Variants in PLCXD1 observed in about 807,000 individuals in gnomAD.
PLCXD1 encodes PI-PLC X domain-containing protein 1.
In PLCXD1, 45 loss-of-function variants were observed where a neutral mutation model predicts 37.8. The observed-to-expected ratio is 1.19, with a 90% CI of 0.94 to 1.53. The LOEUF (loss-of-function observed/expected upper bound fraction) is 1.53, where lower values mean the gene tolerates loss of function less well. Among genes scored for constraint, PLCXD1 ranks in the 40% most tolerant of loss-of-function variants. PLCXD1 has a pLI of 0.00. For missense variants in PLCXD1, 539 were observed against 454.7 expected (o/e 1.19, Z -1.69); for synonymous variants, 246 against 206.9 (o/e 1.19, Z -1.62).
At chrX:285,303 CAT>C (rs1237817655) in intron 2 of PLCXD1, among the ~76,000 whole-genome samples, 1 of 152,130 alleles carries the variant, frequency 6.6e-6, no homozygotes, top group Non-Finnish European at 1.5e-5. Flanking sequence ...TGCACATACA[CAT>C]GCATGCACAT....
At chrX:291,151 CT>C (rs1282122870) in intron 4 of PLCXD1, among the ~76,000 whole-genome samples, 96 of 143,308 alleles carry the variant, frequency 6.7e-4, no homozygotes, top group Admixed American at 7.7e-4. Flanking sequence ...TTTTTTTTTG[CT>C]TTTTTTTTTT....
chrX:286,069 A>ATT (rs113597268), intron 2 of PLCXD1, among the ~76,000 whole-genome samples: 2 of 147,134 alleles, frequency 1.4e-5, no homozygotes, highest in African/African-American at 2.5e-5. Flanking sequence ...CCTGAGGTTA[A>ATT]TTTTTTTTTT....
intron 6 of PLCXD1, among the ~76,000 whole-genome samples, chrX:294,685 T>A (rs2069748841): frequency 6.6e-6 from 1 of 151,840 alleles, no homozygotes; most frequent in Non-Finnish European, 1.5e-5. Context: ...GCGCCTATAA[T>A]CCCAGCTACT....
intron 2 of PLCXD1, among the ~76,000 whole-genome samples, chrX:284,547 G>A (rs2069382800): frequency 6.6e-6 from 1 of 151,864 alleles, no homozygotes; most frequent in Non-Finnish European, 1.5e-5. Context: ...CATACACACA[G>A]GCATGCACAC....
chrX:299,477 G>T lies in PLCXD1; in HGVS notation c.*142G>T, dbSNP rs2069931993. ...TCATTTTCTTTAAAATAGAGATGGG[G>T]TGGCTGGGCGTGGTGACTTCGCCTG... On this transcript the variant is annotated 3_prime_UTR_variant, in exon 7 of 7. Coordinates refer to ENST00000381657, the MANE Select transcript of PLCXD1 (RefSeq NM_018390.4). 1.4e-6 allele frequency: 1 copy of T among 699,072 alleles called. No individual in the cohort carries two copies. The highest frequency in any genetic ancestry group is 2.3e-5 in the Admixed American group (1 of 43,128). The allele number at this position is 699,072 out of a possible 1,614,324, so 43.3% of individuals were successfully genotyped here. A position where few individuals can be genotyped will look rare whatever the true frequency, so the allele number is the denominator to read the frequency against.
chrX:278,252 G>A (rs1461250184), upstream of PLCXD1, among the ~76,000 whole-genome samples: 1 of 151,958 alleles, frequency 6.6e-6, no homozygotes, highest in Non-Finnish European at 1.5e-5. Context: ...TGACGGGAGG[G>A]GAGGGACTGT....
At chrX:276,828 CCT>C (rs2069166426), upstream of PLCXD1, among the ~76,000 whole-genome samples, 1 of 152,234 alleles carries the variant, frequency 6.6e-6, no homozygotes, top group African/African-American at 2.4e-5. Flanking sequence ...TCTGAGCACC[CCT>C]GTCCTTCCGT....
Position 293,031 on chromosome X carries a change from G to A in PLCXD1, c.550-4G>A. The stretch of plus-strand genomic sequence containing the variant: ...CTGCACCCCTTAACTCTGGTCCTTT[G>A]CAGGAGGTGCCGACACTGCGGCAGC... On this transcript the variant is annotated splice_polypyrimidine_tract_variant and splice_region_variant and intron_variant, in intron 5 of 6. Transcript: ENST00000381657. The A allele has an allele frequency of 6.2e-7, 1 of 1,602,354 alleles. No homozygotes were observed. Among genetic ancestry groups the A allele is most frequent in the Non-Finnish European group, 8.5e-7 (1 of 1,173,196 alleles).
Position 299,305 on chromosome X carries a change from C to G in PLCXD1, c.942C>G (p.Ile314Met). 1.2e-6 allele frequency: 2 copies of G among 1,613,686 alleles called. No homozygotes were observed. Among genetic ancestry groups the G allele is most frequent in the Non-Finnish European group, 1.7e-6 (2 of 1,179,636 alleles). The change falls in exon 7 of 7, where the codon ATC becomes ATG. Residue 314 changes from isoleucine to methionine, a missense_variant. Physicochemically the swap from Ile to Met is conservative, Grantham distance 10 (BLOSUM62 1). Transcript: ENST00000381657. ...IGADGFVSDV[I>M]ALNQKLLWC ...CAGACGGCTTCGTCAGTGACGTCAT[C>G]GCGCTCAATCAGAAGCTGCTGTGGT...
intron 6 of PLCXD1, among the ~76,000 whole-genome samples, chrX:294,770 C>A (rs1205495452): frequency 6.6e-6 from 1 of 152,054 alleles, no homozygotes; most frequent in Non-Finnish European, 1.5e-5. Flanking sequence ...AGCCAGTGTA[C>A]TCCAGCCTGG....
chrX:282,981 A>T (rs1355546685), intron 1 of PLCXD1, among the ~76,000 whole-genome samples: 1 of 146,102 alleles, frequency 6.8e-6, no homozygotes, highest in African/African-American at 2.5e-5. Flanking sequence ...TTATATGTAT[A>T]ATATATATTA....
chrX:295,773 C>A (rs866092162), intron 6 of PLCXD1, among the ~76,000 whole-genome samples: 1 of 151,812 alleles, frequency 6.6e-6, no homozygotes, highest in Non-Finnish European at 1.5e-5. Context: ...ATGATCTGCC[C>A]GTCTCAGTCT....
rs1285425990 is a variant in PLCXD1, at chrX:292,416, G to A, written c.550-619G>A. Among the ~76,000 whole-genome samples, 9 of 151,932 alleles carry A rather than the reference G, an allele frequency of 5.9e-5. No homozygotes were observed. The East Asian group carries it at 9.7e-4, about 16-fold the overall frequency. ...GGAGGTTGCAGTGAGCCGAGATCGCGCCACTGCATTCCAGCCTGGGAGACA... is the reference window on the plus strand; with the variant it reads ...GGAGGTTGCAGTGAGCCGAGATCGCACCACTGCATTCCAGCCTGGGAGACA... On this transcript the variant is annotated intron_variant, in intron 5 of 6. Transcript: ENST00000381657.
rs764922414 is a variant in PLCXD1 at position 291,534 on chromosome X, G to T, written c.429G>T (p.Arg143=). 21 of 1,612,692 alleles carry T rather than the reference G, an allele frequency of 1.3e-5. No individual in the cohort carries two copies. Among genetic ancestry groups the T allele is most frequent in the Non-Finnish European group, 1.8e-5 (21 of 1,179,844 alleles). ...TLTEISEWLE[R]HPREVVILAC... ...CGGAAATCTCGGAGTGGCTGGAGCG[G>T]CATCCACGCGAGGTGGTCATCCTGG... The change falls in exon 5 of 7, where the codon CGG becomes CGT. Residue 143 remains arginine, a synonymous_variant. Transcript: ENST00000381657.
At chrX:278,933 C>T (rs543641187), upstream of PLCXD1, among the ~76,000 whole-genome samples, 23 of 152,192 alleles carry the variant, frequency 1.5e-4, 1 homozygote, top group African/African-American at 5.5e-4. Flanking sequence ...TGCGAAGAGA[C>T]CCCCGAACAG....
rs938984785 is a variant in PLCXD1 at position 299,694 on chromosome X, T to G, written c.*359T>G. On this transcript the variant is annotated 3_prime_UTR_variant, in exon 7 of 7. Coordinates refer to ENST00000381657, the MANE Select transcript of PLCXD1 (RefSeq NM_018390.4). The stretch of plus-strand genomic sequence containing the variant: ...ACTGCTTGAAGCCGGGAGATGGAGG[T>G]TGCATTGAGCTGACATCGTGCCACT... 1.6e-5 allele frequency: 6 copies of G among 375,476 alleles called. No homozygotes were observed. The highest frequency in any genetic ancestry group is 2.5e-5 in the Non-Finnish European group (5 of 203,338). The allele number at this position is 375,476 out of a possible 1,614,324, so 23.3% of individuals were successfully genotyped here.
chrX:286,598 A>G (rs1019089851), intron 2 of PLCXD1, among the ~76,000 whole-genome samples: 2 of 152,174 alleles, frequency 1.3e-5, no homozygotes, highest in African/African-American at 4.8e-5. Context: ...TGAGGGGTCC[A>G]CGTGAAGGGG....
chrX:289,251 C>CTAAT, intron 3 of PLCXD1, among the ~76,000 whole-genome samples: 1 of 152,132 alleles, frequency 6.6e-6, no homozygotes. Flanking sequence ...CCACACCTGG[C>CTAAT]TAATTTTTTG....
rs777361271 is a variant in PLCXD1, at chrX:299,111, G to A, written c.748G>A (p.Ala250Thr). ...CACCGTTGCAGGAGGGTTGTTCGTG[G>A]CCGGCATCAACCTCACGGAGAACCT... ...SCGRPGGLFV[A>T]GINLTENLQY... Residue 250 changes from alanine (A) to threonine (T), a missense_variant, in exon 7 of 7, where the codon GCC becomes ACC. Coordinates refer to ENST00000381657, the MANE Select transcript of PLCXD1 (RefSeq NM_018390.4). 3.1e-6 allele frequency: 5 copies of A among 1,613,702 alleles called. No individual in the cohort carries two copies. Among genetic ancestry groups the A allele is most frequent in the South Asian group, 2.2e-5 (2 of 91,072 alleles).
Sources: allele counts gnomAD v4.1 joint callset (sites outside exome capture counted in the v4.1 genomes callset), GRCh38; gene constraint gnomAD v4.1.1; transcripts MANE v1.5; gene names NCBI Gene and HGNC (gene_info 2026-07-23, HGNC 2026-07-21).